Variants in GSG1L observed in about 807,000 individuals in gnomAD.
GSG1L encodes GSG1 like, also known as germ cell-specific gene 1-like protein.
In GSG1L, 24 loss-of-function variants were observed where a neutral mutation model predicts 42.1. The ratio of observed to expected loss-of-function variants is 0.57; its 90% CI spans 0.41 to 0.80. The LOEUF is 0.80. Ranked by LOEUF, GSG1L falls within the 30% of genes least tolerant of loss-of-function variation. The probability of loss-of-function intolerance (pLI) is 0.00; values close to 1 mark genes in which losing one functional copy is unlikely to be tolerated. For missense variants in GSG1L, 445 were observed against 472.2 expected (o/e 0.94, Z 0.53); for synonymous variants, 215 against 203.5 (o/e 1.06, Z -0.48).
intron 1 of GSG1L, among the ~76,000 whole-genome samples, chr16:27,994,315 TG>T (rs1313335640): frequency 6.6e-6 from 1 of 151,200 alleles, no homozygotes; most frequent in East Asian, 1.9e-4. Context: ...TTCAGAATGG[TG>T]GGGGGATGTG....
chr16:27,850,306 C>T (rs556397136), intron 3 of GSG1L, among the ~76,000 whole-genome samples: 20 of 152,150 alleles, frequency 1.3e-4, no homozygotes, highest in Admixed American at 2.6e-4. Context: ...GGAATACAGG[C>T]GTGAGCCACC....
chr16:27,828,675 C>A, intron 5 of GSG1L, 114 bp downstream of exon 5: 1 of 979,646 alleles, frequency 1.0e-6, no homozygotes, highest in East Asian at 2.4e-5. Flanking sequence ...CCCTCCATAA[C>A]CCCTCTGTCA....
intron 6 of GSG1L, among the ~76,000 whole-genome samples, chr16:27,791,744 G>C (rs904348223): frequency 5.9e-5 from 9 of 151,828 alleles, no homozygotes; most frequent in Non-Finnish European, 1.3e-4. Flanking sequence ...AGCCACCAAT[G>C]TATCCACGAC....
intron 1 of GSG1L, among the ~76,000 whole-genome samples, chr16:28,027,280 C>T (rs539749897): frequency 2.0e-5 from 3 of 152,244 alleles, no homozygotes; most frequent in South Asian, 2.1e-4. Flanking sequence ...TCCATTCACA[C>T]GCTGCAGGCC....
chr16:27,814,671 G>A (rs2083073843), intron 5 of GSG1L, among the ~76,000 whole-genome samples: 1 of 148,442 alleles, frequency 6.7e-6, no homozygotes, highest in Non-Finnish European at 1.5e-5. Context: ...GGTGACAGAG[G>A]GAGAACCCGT....
chr16:27,865,477 A>C (rs2083703209), intron 3 of GSG1L, among the ~76,000 whole-genome samples: 2 of 147,392 alleles, frequency 1.4e-5, no homozygotes, highest in African/African-American at 5.0e-5. Flanking sequence ...CACTGGATAA[A>C]TGTCAACCAC....
At chr16:27,888,971 T>TAGATATAGATATAGATAC (rs2084091223) in intron 2 of GSG1L, among the ~76,000 whole-genome samples, 2 of 137,968 alleles carry the variant, frequency 1.4e-5, no homozygotes, top group South Asian at 4.6e-4. Flanking sequence ...GATATAGATA[T>TAGATATAGATATAGATAC]AGATAGATAT....
rs553393567 is a variant in GSG1L at position 28,014,581 on chromosome 16, G to C, written c.349+48495C>G. ...TGCAGTAGGGCAATCAAAGCTCTCT[G>C]TAACCTCCAACTCCTGGGATCCAAC... On this transcript the variant is annotated intron_variant, in intron 1 of 6. Transcript: ENST00000447459. Among the ~76,000 whole-genome samples the C allele has an allele frequency of 1.2e-3, 180 of 151,484 alleles. 1 individual carries two copies. Among genetic ancestry groups the C allele is most frequent in the African/African-American group, 4.3e-3 (179 of 41,290 alleles).
intron 1 of GSG1L, among the ~76,000 whole-genome samples, chr16:28,042,104 C>G (rs2086112502): frequency 6.6e-6 from 1 of 152,136 alleles, no homozygotes; most frequent in Admixed American, 6.5e-5. Context: ...GATCACATCA[C>G]CAGGAGGTGA....
At chr16:27,804,618 C>A (rs2082935752) in intron 6 of GSG1L, among the ~76,000 whole-genome samples, 1 of 149,588 alleles carries the variant, frequency 6.7e-6, no homozygotes, top group Admixed American at 6.7e-5. Flanking sequence ...AAACACTCAC[C>A]AAGGAATGAA....
At chr16:27,800,939 G>A (rs895460260) in intron 6 of GSG1L, among the ~76,000 whole-genome samples, 2 of 152,110 alleles carry the variant, frequency 1.3e-5, no homozygotes, top group African/African-American at 4.8e-5. Flanking sequence ...AGGGACAAAT[G>A]CTAGGAAGAA....
intron 1 of GSG1L, among the ~76,000 whole-genome samples, chr16:28,060,817 C>T (rs746769571): frequency 1.2e-4 from 19 of 152,246 alleles, no homozygotes; most frequent in African/African-American, 3.4e-4. Context: ...ACCTGGTGAA[C>T]GTTAAAGGCT....
chr16:27,800,891 G>A (rs761158255), intron 6 of GSG1L, among the ~76,000 whole-genome samples: 5 of 152,128 alleles, frequency 3.3e-5, no homozygotes, highest in Non-Finnish European at 7.3e-5. Context: ...GCAGCAAAAC[G>A]AAAACCAAGC....
At chr16:27,852,245 G>C (rs1427026804) in intron 3 of GSG1L, among the ~76,000 whole-genome samples, 2 of 152,202 alleles carry the variant, frequency 1.3e-5, no homozygotes, top group African/African-American at 4.8e-5. Context: ...GGGACCTGGA[G>C]GATGCTGGAG....
At chr16:27,834,527 G>A (rs1403766120) in intron 4 of GSG1L, among the ~76,000 whole-genome samples, 3 of 151,394 alleles carry the variant, frequency 2.0e-5, no homozygotes, top group African/African-American at 7.3e-5. Context: ...TTGGTGGAAT[G>A]TTCCAGTAAA....
rs1426159586 is a variant in GSG1L at position 27,917,901 on chromosome 16, G to A, written c.398-33263C>T. 2.6e-5 allele frequency among the ~76,000 whole-genome samples: 4 copies of A among 152,012 alleles called. No individual in the cohort carries two copies. In the East Asian group the frequency reaches 7.7e-4, roughly 29 times the overall value. On this transcript the variant is annotated intron_variant, in intron 2 of 6. Transcript: ENST00000447459. Reference sequence around the variant, plus strand: ...GCTTGGGTCTCAGACTCCATGCCATGGTAAGAAAGTGGCCGGAAGCCAAGC... The same window carrying A: ...GCTTGGGTCTCAGACTCCATGCCATAGTAAGAAAGTGGCCGGAAGCCAAGC...
intron 1 of GSG1L, among the ~76,000 whole-genome samples, chr16:28,053,706 TG>T (rs1349621809): frequency 6.6e-6 from 1 of 151,990 alleles, no homozygotes; most frequent in East Asian, 1.9e-4. Flanking sequence ...CCCTCCTCCC[TG>T]TGTGTGAGTG....
chr16:27,802,658 T>A (rs1306994525), intron 6 of GSG1L, among the ~76,000 whole-genome samples: 1 of 151,910 alleles, frequency 6.6e-6, no homozygotes, highest in African/African-American at 2.4e-5. Context: ...TCACTGTGTC[T>A]CCCTACCCTA....
intron 2 of GSG1L, among the ~76,000 whole-genome samples, chr16:27,895,189 A>G (rs1047308434): frequency 6.6e-6 from 1 of 152,136 alleles, no homozygotes; most frequent in African/African-American, 2.4e-5. Flanking sequence ...ATCAACATTT[A>G]AAAATAGGAG....
Sources: gnomAD v4.1 joint callset for allele counts (sites outside exome capture counted in the v4.1 genomes callset) on GRCh38, gnomAD v4.1.1 for gene constraint, MANE v1.5 for transcripts, NCBI Gene and HGNC (gene_info 2026-07-23, HGNC 2026-07-21) for gene names.